Variants in ODF2 observed in about 807,000 individuals in gnomAD.
ODF2 encodes the protein outer dense fiber protein 2.
ODF2 carries 47 observed loss-of-function variants against 110.2 expected under a neutral mutation model. The observed-to-expected ratio is 0.43, with a 90% CI of 0.34 to 0.54. ODF2 has a LOEUF of 0.54. ODF2 is among the 20% of genes least tolerant of loss of function. ODF2 has a pLI of 0.03. For missense variants in ODF2, 812 were observed against 1,054.5 expected, an observed-to-expected ratio of 0.77 and a Z score of 3.19; for synonymous variants, 352 against 397.7, an observed-to-expected ratio of 0.89 and a Z score of 1.37.
intron 18 of ODF2, 162 bp downstream of exon 18, chr9:128,496,303 C>T (rs1344492733): frequency 1.3e-6 from 2 of 1,492,122 alleles, no homozygotes; most frequent in South Asian, 2.4e-5. Flanking sequence ...CAGTGGTAAG[C>T]ATTGTGGGAG....
upstream of ODF2, chr9:128,456,093 T>C: frequency 1.9e-6 from 3 of 1,542,216 alleles, no homozygotes; most frequent in South Asian, 1.2e-5. Context: ...AACTGGCCAA[T>C]GGGCGAGCTG....
intron 4 of ODF2, among the ~76,000 whole-genome samples, chr9:128,463,483 T>C (rs1837035123): frequency 6.6e-6 from 1 of 152,172 alleles, no homozygotes; most frequent in Non-Finnish European, 1.5e-5. Context: ...CTGGGTGCAG[T>C]GGTACGCACT....
chr9:128,499,985 C>A, intron 20 of ODF2, 82 bp from the exon 21 acceptor site: 1 of 1,499,370 alleles, frequency 6.7e-7, no homozygotes, highest in South Asian at 1.2e-5. Flanking sequence ...CTCCTGGCAA[C>A]TCCTAAGAAA....
chr9:128,459,567 G>T, exon 3 of ODF2: 6 of 1,613,518 alleles, frequency 3.7e-6, no homozygotes, highest in African/African-American at 1.3e-5. Flanking sequence ...CTGGGTGCAG[G>T]TTTCCATCGT....
At chr9:128,479,482 G>C (rs1441396351) in intron 8 of ODF2, among the ~76,000 whole-genome samples, 1 of 152,206 alleles carries the variant, frequency 6.6e-6, no homozygotes, top group Non-Finnish European at 1.5e-5. Flanking sequence ...AGAGGCAGAG[G>C]TTGGCTGCTG....
chr9:128,462,722 C>T (rs2131529711), intron 4 of ODF2, among the ~76,000 whole-genome samples: 1 of 152,152 alleles, frequency 6.6e-6, no homozygotes, highest in Non-Finnish European at 1.5e-5. Context: ...GCCTCAGCCT[C>T]CCGAGTAGCT....
chr9:128,469,063 G>A, intron 4 of ODF2, 120 bp from the exon 5 acceptor site: 1 of 836,884 alleles, frequency 1.2e-6, no homozygotes, highest in South Asian at 1.7e-5. Flanking sequence ...TTCTTCCTGG[G>A]GTCCCCGAGT....
rs200089818 is a variant in ODF2 at position 128,499,113 on chromosome 9, G to C, written c.2288G>C (p.Arg763Pro). 4.0e-4 allele frequency: 652 copies of C among 1,614,174 alleles called. 3 individuals carry two copies. Among genetic ancestry groups the C allele is most frequent in the South Asian group, 8.5e-4 (77 of 91,084 alleles). The change falls in exon 20 of 21, where the codon CGG becomes CCG. Residue 763 changes from arginine (R) to proline (P), a missense_variant. Arg to Pro is a moderately radical substitution (Grantham distance 103, BLOSUM62 -2). Coordinates refer to ENST00000604420, the Ensembl canonical transcript of ODF2. ...AAAACGGAATTGAGCCAGCTGCGGC[G>C]GAGCCGTGATGATGTGAGTCAGGCT... is the stretch of plus-strand genomic sequence containing the variant.
At position 128,470,006 on chromosome 9, in the gene ODF2, A is replaced by T. The variant is rs1839370791; in HGVS notation, c.420+653A>T. Among the ~76,000 whole-genome samples the T allele has an allele frequency of 3.0e-4, 11 of 36,078 alleles. No homozygotes were observed. In the South Asian group the frequency reaches 7.3e-3, roughly 24 times the overall value. 23.7% of individuals were successfully genotyped at this position (36,078 alleles called of 152,430 possible). A position where few individuals can be genotyped will look rare whatever the true frequency, so the allele number is the denominator to read the frequency against. ...CTCAAAAAAAAAAAAAAAAAAAAAA[A>T]AAAAAAAAAAAAATATATATATATA... On this transcript the variant is annotated intron_variant, in intron 5 of 20. Coordinates refer to ENST00000604420, the Ensembl canonical transcript of ODF2.
At chr9:128,477,232 CAA>C (rs954237831) in intron 8 of ODF2, among the ~76,000 whole-genome samples, 4 of 108,544 alleles carry the variant, frequency 3.7e-5, no homozygotes, top group African/African-American at 6.9e-5. Context: ...GACTCTGTCT[CAA>C]AAAAAAAAAA....
At chr9:128,499,062 A>G (rs1481302300) in exon 20 of ODF2, 1 of 1,614,180 alleles carries the variant, frequency 6.2e-7, no homozygotes, top group Non-Finnish European at 8.5e-7. Context: ...AAAATCCTGG[A>G]CCTTGAGACC....
chr9:128,492,963 CCTCT>C (rs1844884264), intron 16 of ODF2, among the ~76,000 whole-genome samples, 158 bp downstream of exon 16: 1 of 151,824 alleles, frequency 6.6e-6, no homozygotes, highest in African/African-American at 2.4e-5. Context: ...CTACCCTGTG[CCTCT>C]CTCTCCTTTG....
At chr9:128,457,214 CT>C in exon 2 of ODF2, 1 of 1,572,080 alleles carries the variant, frequency 6.4e-7, no homozygotes, top group Non-Finnish European at 8.6e-7. Context: ...TGCTGTGCGA[CT>C]TGGACAGTAG....
chr9:128,472,806 T>G (rs757837132), intron 6 of ODF2, 107 bp from the exon 7 acceptor site: 10 of 1,536,298 alleles, frequency 6.5e-6, no homozygotes, highest in African/African-American at 1.4e-5. Context: ...CCTCCCCTAC[T>G]TTTCCCTGAC....
At chr9:128,473,122 CG>C in intron 7 of ODF2, 80 bp downstream of exon 7, 1 of 1,587,580 alleles carries the variant, frequency 6.3e-7, no homozygotes, top group African/African-American at 1.3e-5. Context: ...GGTCTTTACG[CG>C]TCATCAGGCA....
intron 3 of ODF2, 115 bp from the exon 3 acceptor site, chr9:128,460,435 C>T: frequency 6.6e-7 from 1 of 1,514,924 alleles, no homozygotes; most frequent in Non-Finnish European, 8.9e-7. Context: ...AGCTGTCCTG[C>T]TCGCTTGGTG....
chr9:128,499,581 C>G (rs763331077), intron 20 of ODF2, among the ~76,000 whole-genome samples: 3 of 152,000 alleles, frequency 2.0e-5, no homozygotes, highest in Admixed American at 1.3e-4. Flanking sequence ...AGGTGTGAGC[C>G]ACTGCACCCA....
In ODF2 at chr9:128,497,144, T is replaced by C. The variant is rs1440635381; in HGVS notation, c.2012+1003T>C. Among the ~76,000 whole-genome samples the C allele has an allele frequency of 4.6e-5, 7 of 151,932 alleles. 1 individual carries two copies. Among genetic ancestry groups the C allele is most frequent in the Non-Finnish European group, 4.4e-5 (3 of 67,980 alleles). On this transcript the variant is annotated intron_variant, in intron 18 of 20. Coordinates refer to ENST00000604420, the Ensembl canonical transcript of ODF2. ...AGTATAGCTTAGAACATGTTATTAG[T>C]TAGCTGGTATTATCCCAGTTTTAAA... is the stretch of plus-strand genomic sequence containing the variant.
At chr9:128,491,905 C>T (rs1226689834) in intron 14 of ODF2, among the ~76,000 whole-genome samples, 140 of 134,458 alleles carry the variant, frequency 1.0e-3, no homozygotes, top group African/African-American at 3.5e-3. Context: ...CTTGCTCTGT[C>T]GCCCAGGCTG....
Sources: gnomAD v4.1 joint callset for allele counts (sites outside exome capture counted in the v4.1 genomes callset) on GRCh38, gnomAD v4.1.1 for gene constraint, MANE v1.5 for transcripts, NCBI Gene and HGNC (gene_info 2026-07-23, HGNC 2026-07-21) for gene names.